Variants in CCNE2 observed in about 807,000 individuals in gnomAD.
CCNE2 encodes the protein G1/S-specific cyclin-E2.
CCNE2 carries 18 observed loss-of-function variants against 56.8 expected under a neutral mutation model. That is an observed-to-expected ratio of 0.32 (90% CI 0.22 to 0.47). CCNE2 has a LOEUF of 0.47. Among genes scored for constraint, CCNE2 ranks in the 20% least tolerant of loss-of-function variants. CCNE2 has a pLI of 1.00. For synonymous variants in CCNE2, 139 were observed against 149.2 expected (o/e 0.93, Z 0.50); for missense variants, 371 against 467.1 (o/e 0.79, Z 1.90).
intron 8 of CCNE2, 63 bp downstream of exon 8, chr8:94,885,400 C>T: frequency 1.8e-6 from 2 of 1,137,272 alleles, no homozygotes; most frequent in East Asian, 2.4e-5. Context: ...TCAATTATAA[C>T]TACTTATGTT....
In CCNE2 at chr8:94,885,171, T is replaced by C. The variant is rs374518650; in HGVS notation, c.727A>G (p.Ile243Val). 19 of 1,613,756 alleles carry C rather than the reference T, an allele frequency of 1.2e-5. No individual in the cohort carries two copies. In the East Asian group the frequency reaches 2.5e-4, roughly 21 times the overall value. The change falls in exon 9 of 12, where the codon ATC (isoleucine) becomes GTC (valine). Residue 243 changes from isoleucine (I) to valine (V), a missense_variant. Coordinates refer to ENST00000308108, the MANE Select transcript of CCNE2 (RefSeq NM_057749.3). ...AGAAAGAGATTTAGCCAGGAGATGA[T>C]TGTTACAGGACAAAGTTCCCATTTT... ...ALKWELCPVT[I>V]ISWLNLFLQV...
chr8:94,890,496 A>G lies in CCNE2; in HGVS notation c.372T>C (p.Tyr124=), dbSNP rs577122194. ...WLNMLKKESR[Y]VHDKHFEVLH... is the part of the protein sequence containing the mutation. ...GAACTTCAAAATGTTTGTCATGAAC[A>G]TATCTGCTCTCCTTTTTTAACATGT... Residue 124 remains tyrosine (Y), a synonymous_variant, in exon 6 of 12, where the codon TAT becomes TAC. Coordinates refer to ENST00000308108, the MANE Select transcript of CCNE2 (RefSeq NM_057749.3). 2 of 1,603,436 alleles carry G rather than the reference A, an allele frequency of 1.2e-6. No homozygotes were observed. Among genetic ancestry groups the G allele is most frequent in the South Asian group, 1.1e-5 (1 of 89,890 alleles).
intron 5 of CCNE2, 48 bp downstream of exon 5, chr8:94,892,770 C>A: frequency 9.2e-7 from 1 of 1,083,324 alleles, no homozygotes; most frequent in South Asian, 2.0e-5. Flanking sequence ...TGTATTAAAT[C>A]AGCACAACTT....
At chr8:94,882,364 T>C in intron 10 of CCNE2, 75 bp from the exon 11 acceptor site, 1 of 1,190,332 alleles carries the variant, frequency 8.4e-7, no homozygotes, top group Non-Finnish European at 1.1e-6. Flanking sequence ...TCTGATGTAC[T>C]TGTTGCTGTT....
At chr8:94,881,993 T>C in intron 11 of CCNE2, 139 bp downstream of exon 11, 4 of 950,058 alleles carry the variant, frequency 4.2e-6, no homozygotes. Flanking sequence ...TATTAACTTT[T>C]CTACATTTTG....
chr8:94,885,156 T>G lies in CCNE2; in HGVS notation c.742A>C (p.Asn248His). Residue 248 changes from asparagine (N) to histidine (H), a missense_variant, in exon 9 of 12, where the codon AAT becomes CAT. Asn to His is a moderately conservative substitution (Grantham distance 68). Transcript: ENST00000308108. ...AGAGCATCAACTTGGAGAAAGAGAT[T>G]TAGCCAGGAGATGATTGTTACAGGA... ...LCPVTIISWL[N>H]LFLQVDALKD... The G allele has an allele frequency of 1.2e-6, 2 of 1,613,638 alleles. No homozygotes were observed. Among genetic ancestry groups the G allele is most frequent in the Non-Finnish European group, 1.7e-6 (2 of 1,179,698 alleles).
intron 5 of CCNE2, chr8:94,891,752 T>C (rs1252250264): frequency 1.9e-5 from 20 of 1,030,380 alleles, no homozygotes; most frequent in Non-Finnish European, 2.9e-5. Flanking sequence ...AATGGTGGAG[T>C]TGGTAGGTGT....
upstream of CCNE2, chr8:94,895,814 G>C (rs1044409559): frequency 2.0e-5 from 3 of 152,050 alleles, no homozygotes; most frequent in African/African-American, 4.8e-5. Context: ...TCAGCCACGC[G>C]CCTGGCCAAG....
chr8:94,881,372 G>T lies in CCNE2; in HGVS notation c.*260C>A. ...AAACATTGCTATGGTATAGACTGTG[G>T]TTGGCTTCTATCCAGTAACCTTGGG... On this transcript the variant is annotated 3_prime_UTR_variant, in exon 12 of 12. Coordinates refer to ENST00000308108, the MANE Select transcript of CCNE2 (RefSeq NM_057749.3). 1 of 506,080 alleles carries T rather than the reference G, an allele frequency of 2.0e-6. No homozygotes were observed. Among genetic ancestry groups the T allele is most frequent in the South Asian group, 3.1e-5 (1 of 32,784 alleles). The allele number at this position is 506,080 out of a possible 1,614,324, so 31.3% of individuals were successfully genotyped here. A position where few individuals can be genotyped will look rare whatever the true frequency, so the allele number is the denominator to read the frequency against.
Position 94,895,163 on chromosome 8 carries a change from C to A in CCNE2, c.-27+14G>T, listed in dbSNP as rs956730602. 2 of 985,718 alleles carry A rather than the reference C, an allele frequency of 2.0e-6. No individual in the cohort carries two copies. The highest frequency in any genetic ancestry group is 2.4e-6 in the Non-Finnish European group (2 of 830,168). 61.1% of individuals were successfully genotyped at this position (985,718 alleles called of 1,614,324 possible). ...TTTCCTCCCACATCCCCCCTACGCG[C>A]AGCAACTCCTCACCGCCAGACCAGC... is the stretch of plus-strand genomic sequence containing the variant. On this transcript the variant is annotated intron_variant, in intron 1 of 11. Coordinates refer to ENST00000308108, the MANE Select transcript of CCNE2 (RefSeq NM_057749.3).
At chr8:94,893,306 G>T (rs1817314135) in intron 4 of CCNE2, among the ~76,000 whole-genome samples, 1 of 143,982 alleles carries the variant, frequency 6.9e-6, no homozygotes, top group Non-Finnish European at 1.5e-5. Context: ...TCTAGCAATA[G>T]TAGCAGGGAC....
At chr8:94,892,547 T>C (rs1817283926) in intron 5 of CCNE2, among the ~76,000 whole-genome samples, 1 of 152,224 alleles carries the variant, frequency 6.6e-6, no homozygotes, top group African/African-American at 2.4e-5. Context: ...CATGTAAAAA[T>C]GTTTCTATCT....
At chr8:94,893,751 C>T in intron 4 of CCNE2, 140 bp downstream of exon 4, 1 of 814,476 alleles carries the variant, frequency 1.2e-6, no homozygotes, top group Non-Finnish European at 2.0e-6. Context: ...CAAAGATAGG[C>T]GCCTTCCTGC....
At chr8:94,894,343 C>T (rs183255246) in intron 1 of CCNE2, 96 bp from the exon 2 acceptor site, 4 of 1,227,758 alleles carry the variant, frequency 3.3e-6, no homozygotes, top group African/African-American at 3.0e-5. Flanking sequence ...AAGCTCAGTC[C>T]CTCCGAAGGG....
Position 94,880,337 on chromosome 8 carries a change from T to G in CCNE2, c.*1295A>C, listed in dbSNP as rs912126856. Reference sequence around the variant, plus strand: ...ATACATATGTACACAATTAGTGGTGTTTTCTTTTCAGACAAAATACTGAAA... The same window carrying G: ...ATACATATGTACACAATTAGTGGTGGTTTCTTTTCAGACAAAATACTGAAA... On this transcript the variant is annotated 3_prime_UTR_variant, in exon 12 of 12. Transcript: ENST00000308108. 5.0e-5 allele frequency: 30 copies of G among 595,882 alleles called. No homozygotes were observed. The highest frequency in any genetic ancestry group is 3.6e-4 in the African/African-American group (19 of 53,052). 36.9% of individuals were successfully genotyped at this position (595,882 alleles called of 1,614,324 possible).
chr8:94,884,071 CTT>C, intron 9 of CCNE2: 1 of 304,564 alleles, frequency 3.3e-6, no homozygotes, highest in Non-Finnish European at 6.9e-6. Flanking sequence ...AAAAATTAAG[CTT>C]TTAATAAAAA....
At chr8:94,886,034 G>A (rs895394396) in intron 7 of CCNE2, among the ~76,000 whole-genome samples, 1 of 152,140 alleles carries the variant, frequency 6.6e-6, no homozygotes, top group African/African-American at 2.4e-5. Context: ...CAACTTAACA[G>A]TATTTTCAAC....
At chr8:94,891,888 G>T in intron 5 of CCNE2, 1 of 1,406,022 alleles carries the variant, frequency 7.1e-7, no homozygotes, top group South Asian at 1.1e-5. Flanking sequence ...TAGATTCTCT[G>T]GTCATTGAGC....
Position 94,885,550 on chromosome 8 carries a change from A to G in CCNE2, c.609T>C (p.Tyr203=), listed in dbSNP as rs1309750507. The change falls in exon 8 of 12, where the codon TAT becomes TAC. Residue 203 remains tyrosine, a synonymous_variant. Coordinates refer to ENST00000308108, the MANE Select transcript of CCNE2 (RefSeq NM_057749.3). The stretch of plus-strand genomic sequence containing the variant: ...AAGCAAACTCTTGGAGTTTAGGAGC[A>G]TAGATTTCCTTTAAATTGTAATATT... The part of the protein sequence containing the change: ...LFIASKLEEI[Y]APKLQEFAYV... 8.2e-6 allele frequency: 13 copies of G among 1,583,970 alleles called. No individual in the cohort carries two copies. The highest frequency in any genetic ancestry group is 1.1e-5 in the Non-Finnish European group (13 of 1,159,082).
Sources: gnomAD v4.1 joint callset for allele counts (sites outside exome capture counted in the v4.1 genomes callset) on GRCh38, gnomAD v4.1.1 for gene constraint, MANE v1.5 for transcripts, NCBI Gene and HGNC (gene_info 2026-07-23, HGNC 2026-07-21) for gene names.